Variants in ANO3 observed in about 807,000 individuals in gnomAD.
ANO3 encodes anoctamin-3.
ANO3 carries 99 observed loss-of-function variants against 144.8 expected under a neutral mutation model. That is an observed-to-expected ratio of 0.68 (90% confidence interval 0.58 to 0.81). The LOEUF (loss-of-function observed/expected upper bound fraction) is 0.81, where lower values mean the gene tolerates loss of function less well. ANO3 is among the 30% of genes least tolerant of loss of function. ANO3 has a pLI of 0.00. For missense variants in ANO3, 905 were observed against 1,202.2 expected, an observed-to-expected ratio of 0.75 and a Z score of 3.66; for synonymous variants, 414 against 392.6, an observed-to-expected ratio of 1.05 and a Z score of -0.64.
At chr11:26,267,844 C>G (rs1272886656) in intron 1 of ANO3, among the ~76,000 whole-genome samples, 2 of 152,072 alleles carry the variant, frequency 1.3e-5, no homozygotes, top group African/African-American at 2.4e-5. Context: ...TGCCCTAATT[C>G]TCTCTACATA....
upstream of ANO3, among the ~76,000 whole-genome samples, chr11:26,308,484 CTT>C (rs1246801416): frequency 1.3e-5 from 2 of 152,126 alleles, no homozygotes; most frequent in African/African-American, 4.8e-5. Context: ...AGTTTATACT[CTT>C]ATAAAAGTAT....
intron 1 of ANO3, among the ~76,000 whole-genome samples, chr11:26,394,151 A>G (rs957457374): frequency 1.3e-5 from 2 of 152,154 alleles, no homozygotes; most frequent in African/African-American, 4.8e-5. Context: ...AACTGCTTTC[A>G]TAGTCTACCA....
At chr11:26,256,424 T>C (rs921865097) in intron 1 of ANO3, among the ~76,000 whole-genome samples, 1 of 152,152 alleles carries the variant, frequency 6.6e-6, no homozygotes, top group Non-Finnish European at 1.5e-5. Flanking sequence ...TATATAATAA[T>C]TTTTGCCTTC....
At chr11:26,624,576 A>G in intron 18 of ANO3, 78 bp downstream of exon 18, 1 of 1,049,024 alleles carries the variant, frequency 9.5e-7, no homozygotes, top group Admixed American at 2.1e-5. Context: ...ACTTTATATA[A>G]TGTAGCATTT....
chr11:26,659,634 C>G (rs72883210), intron 26 of ANO3, among the ~76,000 whole-genome samples: 6,411 of 152,080 alleles, frequency 0.042, 171 homozygotes, highest in Non-Finnish European at 0.065. Context: ...GAGATGGAGG[C>G]TGGAGTCAGC....
At chr11:26,530,895 AC>A (rs1849355034) in intron 7 of ANO3, among the ~76,000 whole-genome samples, 1 of 151,826 alleles carries the variant, frequency 6.6e-6, no homozygotes, top group South Asian at 2.1e-4. Context: ...AAAAACAAAA[AC>A]AAAAAATCTC....
chr11:26,428,635 C>T (rs1448379602), intron 1 of ANO3, among the ~76,000 whole-genome samples: 2 of 152,118 alleles, frequency 1.3e-5, no homozygotes, highest in African/African-American at 4.8e-5. Flanking sequence ...AAGCCCTTCC[C>T]GAGGAGTCAG....
rs115353565 is a variant in ANO3 at position 26,475,419 on chromosome 11, C to A, written c.432+12271C>A. On this transcript the variant is annotated intron_variant, in intron 4 of 26. Transcript: ENST00000256737. ...GTACATTGCTCATTGAGCCAGATTT[C>A]ATAAGACACTTCATAGGAAACTATT... is the stretch of plus-strand genomic sequence containing the variant. Among the ~76,000 whole-genome samples the A allele has an allele frequency of 8.8e-3, 1,338 of 152,060 alleles. 18 individuals carry two copies. The highest frequency in any genetic ancestry group is 0.03 in the African/African-American group (1,250 of 41,522).
At chr11:26,451,272 C>T (rs934576190) in intron 3 of ANO3, among the ~76,000 whole-genome samples, 1 of 152,208 alleles carries the variant, frequency 6.6e-6, no homozygotes, top group Non-Finnish European at 1.5e-5. Context: ...TGAGCCGAAG[C>T]AGGGCAAGGC....
intron 1 of ANO3, among the ~76,000 whole-genome samples, chr11:26,266,525 C>G (rs1000384885): frequency 1.3e-5 from 2 of 151,218 alleles, no homozygotes; most frequent in Non-Finnish European, 2.9e-5. Context: ...CCTCTGCCTC[C>G]CGGGTTCAAG....
intron 4 of ANO3, among the ~76,000 whole-genome samples, chr11:26,501,708 T>TC (rs1264461780): frequency 6.6e-6 from 1 of 152,180 alleles, no homozygotes; most frequent in East Asian, 1.9e-4. Context: ...GAGGCAGAAC[T>TC]ATGACCTCTT....
At chr11:26,308,141 A>G (rs1192894802), upstream of ANO3, among the ~76,000 whole-genome samples, 7 of 152,214 alleles carry the variant, frequency 4.6e-5, no homozygotes, top group Admixed American at 4.6e-4. Context: ...TTGATGGCAC[A>G]ATTGGCAAAT....
rs1203419824 is a variant in ANO3 at position 26,541,969 on chromosome 11, C to T, written c.1055C>T (p.Pro352Leu). 1.2e-6 allele frequency: 2 copies of T among 1,610,904 alleles called. No homozygotes were observed. The highest frequency in any genetic ancestry group is 4.5e-5 in the East Asian group (2 of 44,782). ...PHEGAYKSSQ[P>L]IKTHGPQNNR... is the part of the protein sequence containing the mutation. ...CAGGGAGCCTACAAAAGTAGCCAGC[C>T]CATTAAAACCCATGGACCTCAGAAT... Residue 352 changes from proline to leucine, a missense_variant, in exon 11 of 27, where the codon CCC becomes CTC. Transcript: ENST00000256737.
chr11:26,380,115 G>A (rs895042298), intron 1 of ANO3, among the ~76,000 whole-genome samples: 2 of 152,082 alleles, frequency 1.3e-5, no homozygotes, highest in African/African-American at 4.8e-5. Flanking sequence ...CTCAGTTCTA[G>A]TCAGGTACCA....
At chr11:26,650,418 T>C (rs771639519) in intron 24 of ANO3, among the ~76,000 whole-genome samples, 1 of 152,004 alleles carries the variant, frequency 6.6e-6, no homozygotes, top group Non-Finnish European at 1.5e-5. Flanking sequence ...TCTTAACATG[T>C]GGTCTGCAGA....
intron 1 of ANO3, among the ~76,000 whole-genome samples, chr11:26,281,013 T>C (rs1462187219): frequency 1.3e-5 from 2 of 152,218 alleles, no homozygotes; most frequent in East Asian, 1.9e-4. Context: ...ATCATTGTTT[T>C]ATCCCCTGCA....
chr11:26,481,410 A>G (rs1451221124), intron 4 of ANO3, among the ~76,000 whole-genome samples: 1 of 152,200 alleles, frequency 6.6e-6, no homozygotes, highest in East Asian at 1.9e-4. Context: ...ATTTTTCTTT[A>G]CAGTAGAGGT....
chr11:26,270,019 A>G (rs1245649844), intron 1 of ANO3, among the ~76,000 whole-genome samples: 1 of 152,340 alleles, frequency 6.6e-6, no homozygotes, highest in South Asian at 2.1e-4. Flanking sequence ...ACAGCCATCT[A>G]GAAACCAAGG....
At chr11:26,574,551 T>C (rs2132839576) in intron 14 of ANO3, among the ~76,000 whole-genome samples, 1 of 152,258 alleles carries the variant, frequency 6.6e-6, no homozygotes, top group Non-Finnish European at 1.5e-5. Flanking sequence ...ATTTGAATAA[T>C]AGTAAAATAA....
Sources: allele counts gnomAD v4.1 joint callset (sites outside exome capture counted in the v4.1 genomes callset), GRCh38; gene constraint gnomAD v4.1.1; transcripts MANE v1.5; gene names NCBI Gene and HGNC (gene_info 2026-07-23, HGNC 2026-07-21).